BICC1: variants seen among roughly 807,000 people sequenced by gnomAD.
The protein encoded by BICC1 is BicC family RNA binding protein 1, also known as protein bicaudal C homolog 1.
In BICC1, 43 loss-of-function variants were observed where a neutral mutation model predicts 111.0. The observed-to-expected ratio is 0.39, with a 90% confidence interval of 0.30 to 0.50. The LOEUF (loss-of-function observed/expected upper bound fraction) is 0.50, where lower values mean the gene tolerates loss of function less well. BICC1 is among the 20% of genes least tolerant of loss of function. The pLI is 0.88. For missense variants in BICC1, 1,091 were observed against 1,203.2 expected, an observed-to-expected ratio of 0.91 and a Z score of 1.38; for synonymous variants, 467 against 434.4, an observed-to-expected ratio of 1.07 and a Z score of -0.93.
In BICC1 at chr10:58,829,658, A is replaced by C. The variant is rs1844502342; in HGVS notation, c.*767A>C. On this transcript the variant is annotated 3_prime_UTR_variant, in exon 21 of 21. Transcript: ENST00000373886. ...GGACCTAGTTCACAGTAATAGGTGC[A>C]AAGAAAGACCAAATGGACTTTGCAG... The C allele has an allele frequency of 6.6e-6, 1 of 152,202 alleles. No homozygotes were observed. The highest frequency in any genetic ancestry group is 2.4e-5 in the African/African-American group (1 of 41,464). 9.4% of individuals were successfully genotyped at this position (152,202 alleles called of 1,614,324 possible). A position where few individuals can be genotyped will look rare whatever the true frequency, so the allele number is the denominator to read the frequency against.
At chr10:58,535,863 A>T (rs1589072569) in intron 1 of BICC1, among the ~76,000 whole-genome samples, 1 of 151,712 alleles carries the variant, frequency 6.6e-6, no homozygotes, top group African/African-American at 2.4e-5. Flanking sequence ...TATAGACCCA[A>T]GGGAAAAGGG....
At chr10:58,700,109 A>T (rs1256955059) in intron 2 of BICC1, among the ~76,000 whole-genome samples, 3 of 152,214 alleles carry the variant, frequency 2.0e-5, no homozygotes, top group Non-Finnish European at 2.9e-5. Context: ...GTTTTGCAGA[A>T]ACAGGTTGTA....
At chr10:58,545,487 T>C (rs1385868129) in intron 1 of BICC1, among the ~76,000 whole-genome samples, 1 of 152,144 alleles carries the variant, frequency 6.6e-6, no homozygotes, top group Non-Finnish European at 1.5e-5. Flanking sequence ...GTGTAATTTG[T>C]AGTGATAGTA....
intron 8 of BICC1, among the ~76,000 whole-genome samples, chr10:58,792,088 G>A (rs971844442): frequency 6.6e-6 from 1 of 152,022 alleles, no homozygotes; most frequent in South Asian, 2.1e-4. Context: ...CATGGTTCCC[G>A]GCTTAGTAAT....
At chr10:58,691,015 G>A (rs1227228779) in intron 2 of BICC1, among the ~76,000 whole-genome samples, 1 of 152,054 alleles carries the variant, frequency 6.6e-6, no homozygotes, top group Non-Finnish European at 1.5e-5. Context: ...ACATAAGAAG[G>A]TGTACATATT....
At chr10:58,630,350 A>G (rs557174802) in intron 2 of BICC1, among the ~76,000 whole-genome samples, 1 of 152,178 alleles carries the variant, frequency 6.6e-6, no homozygotes, top group Admixed American at 6.5e-5. Context: ...CAGAGGGGGA[A>G]AAAGATGTTC....
chr10:58,707,713 T>A (rs1045805482), intron 3 of BICC1, among the ~76,000 whole-genome samples: 1 of 151,762 alleles, frequency 6.6e-6, no homozygotes, highest in South Asian at 2.1e-4. Context: ...TTATTATTAT[T>A]TGAGATGGAG....
At chr10:58,589,508 G>A (rs1844536559) in intron 1 of BICC1, among the ~76,000 whole-genome samples, 1 of 148,240 alleles carries the variant, frequency 6.7e-6, no homozygotes, top group South Asian at 2.1e-4. Context: ...ATCTCACTTT[G>A]TCACTCAAGC....
At chr10:58,630,125 G>T (rs528107370) in intron 2 of BICC1, among the ~76,000 whole-genome samples, 17 of 152,266 alleles carry the variant, frequency 1.1e-4, no homozygotes, top group African/African-American at 3.9e-4. Flanking sequence ...GGCATGCTCT[G>T]TGAACTCAGC....
intron 2 of BICC1, among the ~76,000 whole-genome samples, chr10:58,653,547 T>C (rs1266590512): frequency 6.6e-6 from 1 of 152,178 alleles, no homozygotes; most frequent in African/African-American, 2.4e-5. Context: ...TTCTTCAAAA[T>C]ATGTGAAGTT....
intron 2 of BICC1, among the ~76,000 whole-genome samples, chr10:58,648,114 A>C (rs1692828408): frequency 6.6e-6 from 1 of 152,230 alleles, no homozygotes; most frequent in African/African-American, 2.4e-5. Context: ...GCATTTAAAA[A>C]AAAATGCTTT....
At chr10:58,703,237 T>A (rs2393473) in intron 3 of BICC1, among the ~76,000 whole-genome samples, 102,672 of 147,988 alleles carry the variant, frequency 0.69, 38,408 homozygotes, top group East Asian at 0.9. Context: ...CGATCATGGC[T>A]CACTGCAGCC....
chr10:58,805,578 T>G (rs1843686630), intron 15 of BICC1, among the ~76,000 whole-genome samples: 1 of 152,246 alleles, frequency 6.6e-6, no homozygotes, highest in South Asian at 2.1e-4. Context: ...CATGGCTATG[T>G]TTTTAGTTAT....
intron 1 of BICC1, among the ~76,000 whole-genome samples, chr10:58,516,902 A>G (rs1782653343): frequency 6.6e-6 from 1 of 152,158 alleles, no homozygotes; most frequent in South Asian, 2.1e-4. Flanking sequence ...AGTCTGGGAG[A>G]AAGTAAGAAA....
chr10:58,644,477 A>G (rs972529665), intron 2 of BICC1, among the ~76,000 whole-genome samples: 1 of 152,130 alleles, frequency 6.6e-6, no homozygotes, highest in Admixed American at 6.5e-5. Flanking sequence ...CAGCACAGAA[A>G]CAGAACTCCA....
chr10:58,806,793 A>T (rs542226994), intron 16 of BICC1, among the ~76,000 whole-genome samples, 170 bp downstream of exon 16: 2 of 152,222 alleles, frequency 1.3e-5, no homozygotes, highest in African/African-American at 4.8e-5. Flanking sequence ...ATGGTTTAGC[A>T]TTAGACCAAT....
intron 8 of BICC1, among the ~76,000 whole-genome samples, chr10:58,792,266 A>G (rs1046375372): frequency 6.6e-6 from 1 of 152,188 alleles, no homozygotes; most frequent in African/African-American, 2.4e-5. Context: ...AGAAAAAAAA[A>G]AAATCTAAAA....
chr10:58,823,609 C>G, intron 20 of BICC1: 1 of 985,260 alleles, frequency 1.0e-6, no homozygotes. Context: ...CTTCATGGCC[C>G]AGTTGTTGTC....
At chr10:58,784,770 T>G (rs1842965430) in intron 3 of BICC1, among the ~76,000 whole-genome samples, 1 of 152,164 alleles carries the variant, frequency 6.6e-6, no homozygotes, top group African/African-American at 2.4e-5. Context: ...TTTAAATGGT[T>G]TAGCCAATTT....
Sources: gnomAD v4.1 joint callset for allele counts (sites outside exome capture counted in the v4.1 genomes callset) on GRCh38, gnomAD v4.1.1 for gene constraint, MANE v1.5 for transcripts, NCBI Gene and HGNC (gene_info 2026-07-23, HGNC 2026-07-21) for gene names.